ABCC4: variants seen among roughly 807,000 people sequenced by gnomAD.
The protein encoded by ABCC4 is ATP-binding cassette sub-family C member 4.
A neutral mutation model predicts 168.5 loss-of-function variants in ABCC4; 102 were observed. The observed-to-expected ratio is 0.61, with a 90% CI of 0.52 to 0.71. The LOEUF (loss-of-function observed/expected upper bound fraction) is 0.71, where lower values mean the gene tolerates loss of function less well. Ranked by LOEUF, ABCC4 falls within the 30% of genes least tolerant of loss-of-function variation. The probability of loss-of-function intolerance (pLI) is 0.00; values close to 1 mark genes in which losing one functional copy is unlikely to be tolerated. For synonymous variants in ABCC4, 617 were observed against 590.7 expected (o/e 1.04, Z -0.65); for missense variants, 1,402 against 1,605.8 (o/e 0.87, Z 2.17).
At chr13:95,277,267 G>A (rs967756004) in intron 1 of ABCC4, among the ~76,000 whole-genome samples, 2 of 151,652 alleles carry the variant, frequency 1.3e-5, no homozygotes, top group Non-Finnish European at 2.9e-5. Context: ...CTAAAAAGAG[G>A]GGGTCAGAGT....
intron 29 of ABCC4, among the ~76,000 whole-genome samples, chr13:95,038,550 T>C (rs1450886769): frequency 2.0e-5 from 3 of 151,822 alleles, no homozygotes; most frequent in Admixed American, 1.3e-4. Flanking sequence ...TGGACAGACT[T>C]AGACACGTAG....
At chr13:95,054,504 C>T (rs1226980657) in intron 26 of ABCC4, among the ~76,000 whole-genome samples, 3 of 151,452 alleles carry the variant, frequency 2.0e-5, no homozygotes, top group Non-Finnish European at 2.9e-5. Context: ...GCCAAGATTC[C>T]GTCACTGCAC....
At chr13:95,049,499 GGCATGGTGGCAGGCACCTGTAATCACA>G (rs1266933045) in intron 27 of ABCC4, among the ~76,000 whole-genome samples, 3 of 151,814 alleles carry the variant, frequency 2.0e-5, no homozygotes, top group Admixed American at 2.0e-4. Flanking sequence ...AAGAGTAGCC[GGCATGGTGGCAGGCACCTGTAATCACA>G]GCTACTCGGG....
At chr13:95,202,289 C>A (rs545539400) in intron 8 of ABCC4, among the ~76,000 whole-genome samples, 67 of 152,314 alleles carry the variant, frequency 4.4e-4, no homozygotes, top group African/African-American at 1.5e-3. Flanking sequence ...TGCAGACTTA[C>A]GTCACCTCCA....
rs115854051 is a variant in ABCC4 at position 95,220,838 on chromosome 13, A to G, written c.532-10057T>C. On this transcript the variant is annotated intron_variant, in intron 4 of 30. Coordinates refer to ENST00000645237, the MANE Select transcript of ABCC4 (RefSeq NM_005845.5). The stretch of plus-strand genomic sequence containing the variant: ...TGTTCCTTCAGCTAATGGGTCCCAG[A>G]GGGAGTAGAAAGGAGAAGATGAGGA... Among the ~76,000 whole-genome samples, 1,232 of 152,304 alleles carry G rather than the reference A, an allele frequency of 8.1e-3. 17 individuals carry two copies. The highest frequency in any genetic ancestry group is 0.028 in the African/African-American group (1,179 of 41,558).
intron 29 of ABCC4, 156 bp downstream of exon 29, chr13:95,043,526 G>A: frequency 1.8e-6 from 1 of 551,124 alleles, no homozygotes; most frequent in Non-Finnish European, 3.2e-6. Context: ...TAGCACTGAG[G>A]GTGTAGTTAA....
At chr13:95,029,371 A>C (rs2031758830) in intron 30 of ABCC4, among the ~76,000 whole-genome samples, 1 of 151,810 alleles carries the variant, frequency 6.6e-6, no homozygotes, top group Non-Finnish European at 1.5e-5. Flanking sequence ...AACCGTAAAG[A>C]ATAGCTATTA....
intron 26 of ABCC4, among the ~76,000 whole-genome samples, chr13:95,056,964 T>C (rs971901337): frequency 4.6e-5 from 7 of 152,228 alleles, no homozygotes; most frequent in African/African-American, 1.7e-4. Context: ...AAACATTTAT[T>C]TGTGCCAGTA....
At chr13:95,271,793 C>T (rs2040855023) in intron 1 of ABCC4, among the ~76,000 whole-genome samples, 1 of 152,136 alleles carries the variant, frequency 6.6e-6, no homozygotes, top group Non-Finnish European at 1.5e-5. Flanking sequence ...TGGAAGGAGA[C>T]AAGCAGGATT....
chr13:95,291,355 CAA>C (rs773811081), intron 1 of ABCC4, among the ~76,000 whole-genome samples: 22 of 134,558 alleles, frequency 1.6e-4, no homozygotes, highest in Admixed American at 3.8e-4. Context: ...GATCCTGTCT[CAA>C]AAAAAAAAAA....
rs931116870 is a variant in ABCC4 at position 95,186,846 on chromosome 13, C to T, written c.1400G>A (p.Gly467Glu). 1.2e-6 allele frequency: 2 copies of T among 1,613,698 alleles called. No individual in the cohort carries two copies. Among genetic ancestry groups the T allele is most frequent in the African/African-American group, 2.7e-5 (2 of 74,896 alleles). ...AATTCTTCCATGCACGCTGACCAGC[C>T]CGTGACTTGGGGCCAATTCCCCGAG... The part of the protein sequence containing the change: ...AVLGELAPSH[G>E]LVSVHGRIAY... Residue 467 changes from glycine (G) to glutamate (E), a missense_variant, in exon 11 of 31, where the codon GGG (glycine) becomes GAG (glutamate). Around this residue, in one of 3 missense-constraint regions of ABCC4, gnomAD observed 1,007 missense variants for 1,127.3 expected, o/e 0.89. Transcript: ENST00000645237.
Position 95,088,746 on chromosome 13 carries a change from T to C in ABCC4, c.2536-5456A>G, listed in dbSNP as rs554011444. Among the ~76,000 whole-genome samples the C allele has an allele frequency of 2.0e-5, 3 of 152,222 alleles. No individual in the cohort carries two copies. The South Asian group carries it at 6.2e-4, about 32-fold the overall frequency. On this transcript the variant is annotated intron_variant, in intron 20 of 30. Transcript: ENST00000645237. ...AGTAAAATTATTCCTTCAAACTTTT[T>C]TTTAAAGACAGGTTAAAAGTAAAGG...
intron 19 of ABCC4, among the ~76,000 whole-genome samples, chr13:95,121,918 T>C (rs1305608409): frequency 1.3e-5 from 2 of 152,172 alleles, no homozygotes; most frequent in East Asian, 3.9e-4. Flanking sequence ...GCAACAGAAA[T>C]GTTCACAGCA....
At chr13:95,128,780 T>C (rs936663181) in intron 19 of ABCC4, among the ~76,000 whole-genome samples, 1 of 152,218 alleles carries the variant, frequency 6.6e-6, no homozygotes, top group African/African-American at 2.4e-5. Flanking sequence ...ACCTACCTTA[T>C]CAACTTGGTT....
intron 20 of ABCC4, among the ~76,000 whole-genome samples, chr13:95,109,046 C>T (rs954493975): frequency 6.6e-6 from 1 of 152,134 alleles, no homozygotes; most frequent in Non-Finnish European, 1.5e-5. Context: ...TGTTTATTGT[C>T]GACCTCCTGC....
At chr13:95,153,131 C>T (rs2036743946) in intron 19 of ABCC4, among the ~76,000 whole-genome samples, 1 of 152,168 alleles carries the variant, frequency 6.6e-6, no homozygotes, top group South Asian at 2.1e-4. Flanking sequence ...GGTTATCCAA[C>T]AGCTAAGAAC....
intron 19 of ABCC4, among the ~76,000 whole-genome samples, chr13:95,159,134 A>AT (rs2036998473): frequency 2.2e-5 from 1 of 46,394 alleles, no homozygotes; most frequent in Non-Finnish European, 5.7e-5. Flanking sequence ...TATATATATA[A>AT]CTATTGAAGT....
intron 29 of ABCC4, among the ~76,000 whole-genome samples, chr13:95,041,604 A>G (rs2032364302): frequency 1.3e-5 from 2 of 152,158 alleles, no homozygotes; most frequent in African/African-American, 2.4e-5. Context: ...ACTTGTCTCT[A>G]TGTTTTCACA....
At chr13:95,255,854 GGTTCATCCACAGCCTTCTTGTCTCCCT>G (rs1209819160) in intron 1 of ABCC4, among the ~76,000 whole-genome samples, 3 of 152,006 alleles carry the variant, frequency 2.0e-5, no homozygotes, top group Non-Finnish European at 4.4e-5. Context: ...AGCCTTCTCT[GGTTCATCCACAGCCTTCTTGTCTCCCT>G]GTTCTCCCAC....
Sources: allele counts gnomAD v4.1 joint callset (sites outside exome capture counted in the v4.1 genomes callset), GRCh38; gene constraint gnomAD v4.1.1; regional missense constraint gnomAD v4.1.1; transcripts MANE v1.5; gene names NCBI Gene and HGNC (gene_info 2026-07-23, HGNC 2026-07-21).